ELL2: variants seen among roughly 807,000 people sequenced by gnomAD.
ELL2 encodes elongation factor for RNA polymerase II 2, also known as RNA polymerase II elongation factor ELL2.
ELL2 carries 21 observed loss-of-function variants against 72.8 expected under a neutral mutation model. The observed-to-expected ratio is 0.29, with a 90% confidence interval of 0.20 to 0.42. The LOEUF (loss-of-function observed/expected upper bound fraction) is 0.42, where lower values mean the gene tolerates loss of function less well. Ranked by LOEUF, ELL2 falls within the 10% of genes least tolerant of loss-of-function variation. The pLI, the probability that ELL2 is intolerant of heterozygous loss-of-function variation, is 1.00. For synonymous variants in ELL2, 266 were observed against 283.2 expected (o/e 0.94, Z 0.61); for missense variants, 568 against 772.8 (o/e 0.73, Z 3.14).
chr5:95,930,975 CTT>C (rs879633924), intron 2 of ELL2, among the ~76,000 whole-genome samples: 3 of 152,128 alleles, frequency 2.0e-5, no homozygotes, highest in Non-Finnish European at 4.4e-5. Context: ...TGGTGTCCTG[CTT>C]TCTTGTTCTT....
At chr5:95,943,687 G>A (rs17085317) in intron 1 of ELL2, among the ~76,000 whole-genome samples, 2,877 of 152,252 alleles carry the variant, frequency 0.019, 86 homozygotes, top group African/African-American at 0.065. Flanking sequence ...TTTTATCAGA[G>A]ATTTGTTTTT....
intron 2 of ELL2, among the ~76,000 whole-genome samples, chr5:95,927,513 GTA>G (rs1161286941): frequency 3.4e-5 from 1 of 29,466 alleles, no homozygotes; most frequent in Non-Finnish European, 5.5e-5. Flanking sequence ...ACACACGTGT[GTA>G]TATAGACATA....
intron 1 of ELL2, 94 bp from the exon 2 acceptor site, chr5:95,943,143 A>T: frequency 9.7e-7 from 1 of 1,031,500 alleles, no homozygotes. Flanking sequence ...TATTTGGGCC[A>T]GGCACAGTGA....
chr5:95,949,423 T>C (rs1751291638), intron 1 of ELL2, among the ~76,000 whole-genome samples: 2 of 152,106 alleles, frequency 1.3e-5, no homozygotes, highest in South Asian at 2.1e-4. Flanking sequence ...AAGCAAGAAA[T>C]AGCATTCTGG....
At chr5:95,941,523 C>A (rs1219076244) in intron 2 of ELL2, among the ~76,000 whole-genome samples, 2 of 152,144 alleles carry the variant, frequency 1.3e-5, no homozygotes, top group Admixed American at 1.3e-4. Context: ...GAAGCCTGCA[C>A]ATATTGGTGC....
chr5:95,953,947 GC>G (rs1223571814), intron 1 of ELL2, among the ~76,000 whole-genome samples: 1 of 152,016 alleles, frequency 6.6e-6, no homozygotes, highest in Non-Finnish European at 1.5e-5. Flanking sequence ...CTTTATGATG[GC>G]CTTAAGTACA....
chr5:95,916,769 CAG>C (rs1473974891), intron 3 of ELL2, among the ~76,000 whole-genome samples: 3 of 148,516 alleles, frequency 2.0e-5, no homozygotes, highest in Non-Finnish European at 1.5e-5. Context: ...AACCCACTGA[CAG>C]AGGAATGCTG....
intron 2 of ELL2, among the ~76,000 whole-genome samples, chr5:95,930,622 T>A (rs533238238): frequency 6.6e-6 from 1 of 152,290 alleles, no homozygotes; most frequent in South Asian, 2.1e-4. Flanking sequence ...ACCGAATGCT[T>A]TTTTCAAAGT....
intron 2 of ELL2, among the ~76,000 whole-genome samples, chr5:95,941,925 A>T (rs1239304175): frequency 1.3e-5 from 2 of 152,280 alleles, no homozygotes; most frequent in East Asian, 3.8e-4. Context: ...TACTTATTCC[A>T]GTTAGGATCC....
chr5:95,898,215 T>A, intron 8 of ELL2, 25 bp downstream of exon 8: 2 of 1,555,216 alleles, frequency 1.3e-6, no homozygotes, highest in Non-Finnish European at 1.7e-6. Context: ...AGCATGCACT[T>A]CTGGTTCATC....
intron 2 of ELL2, among the ~76,000 whole-genome samples, chr5:95,922,219 C>T (rs925987395): frequency 2.6e-5 from 4 of 152,170 alleles, no homozygotes; most frequent in African/African-American, 9.7e-5. Context: ...CCCGCCACCA[C>T]GCCCGGCTAA....
At chr5:95,919,290 GATAA>G in intron 3 of ELL2, 130 bp downstream of exon 3, 4 of 1,117,562 alleles carry the variant, frequency 3.6e-6, no homozygotes, top group South Asian at 3.7e-5. Flanking sequence ...ATATTTTTCA[GATAA>G]ATAAATGAGC....
At chr5:95,935,216 A>G (rs1750730126) in intron 2 of ELL2, among the ~76,000 whole-genome samples, 1 of 152,180 alleles carries the variant, frequency 6.6e-6, no homozygotes, top group South Asian at 2.1e-4. Context: ...TAAACTTTAT[A>G]AAAACGGCAT....
intron 2 of ELL2, among the ~76,000 whole-genome samples, chr5:95,935,823 C>T (rs1015267155): frequency 6.6e-6 from 1 of 152,222 alleles, no homozygotes; most frequent in Non-Finnish European, 1.5e-5. Context: ...CTTATCTCTT[C>T]TTCTTCTTCT....
chr5:95,952,461 G>C (rs57243277), intron 1 of ELL2, among the ~76,000 whole-genome samples: 1 of 151,440 alleles, frequency 6.6e-6, no homozygotes, highest in South Asian at 2.1e-4. Flanking sequence ...TAAAATAAAA[G>C]TTAAAAAAAA....
In ELL2 at chr5:95,919,500, A is replaced by T. The variant is rs757156435; in HGVS notation, c.241T>A (p.Phe81Ile). Reference sequence around the variant, plus strand: ...CCCACATTTGACAAATAAAAGTTAAAGTTATGAACTTCATTGAGGGGATCA... The same window carrying T: ...CCCACATTTGACAAATAAAAGTTAATGTTATGAACTTCATTGAGGGGATCA... ...KNDPLNEVHN[F>I]NFYLSNVGKD... The change falls in exon 3 of 12, where the codon TTT (phenylalanine) becomes ATT (isoleucine). Residue 81 changes from phenylalanine (F) to isoleucine (I), a missense_variant. By Grantham distance (21) the Phe-to-Ile change is conservative. Around this residue, in one of 2 missense-constraint regions of ELL2, gnomAD observed 511 missense variants for 728.4 expected, o/e 0.70. Coordinates refer to ENST00000237853, the MANE Select transcript of ELL2 (RefSeq NM_012081.6). 1 of 1,585,010 alleles carries T rather than the reference A, an allele frequency of 6.3e-7. No homozygotes were observed. Among genetic ancestry groups the T allele is most frequent in the African/African-American group, 1.4e-5 (1 of 72,702 alleles).
chr5:95,895,285 C>CA (rs1283230919), intron 9 of ELL2, among the ~76,000 whole-genome samples: 3 of 152,344 alleles, frequency 2.0e-5, no homozygotes, highest in East Asian at 3.9e-4. Flanking sequence ...TTGGGGGACC[C>CA]AAGTGAATGA....
chr5:95,907,296 A>ATATATATTTTTTTT, intron 4 of ELL2, among the ~76,000 whole-genome samples: 1 of 116,522 alleles, frequency 8.6e-6, no homozygotes, highest in African/African-American at 4.1e-5. Flanking sequence ...ATATATATAT[A>ATATATATTTTTTTT]TTTTTTTTTT....
At chr5:95,956,104 C>T (rs1419238429) in intron 1 of ELL2, among the ~76,000 whole-genome samples, 1 of 152,126 alleles carries the variant, frequency 6.6e-6, no homozygotes, top group East Asian at 1.9e-4. Context: ...GTAAGTCATT[C>T]CAAGAATTCT....
Sources: gnomAD v4.1 joint callset for allele counts (sites outside exome capture counted in the v4.1 genomes callset) on GRCh38, gnomAD v4.1.1 for gene constraint, gnomAD v4.1.1 regional missense constraint, MANE v1.5 for transcripts, NCBI Gene and HGNC (gene_info 2026-07-23, HGNC 2026-07-21) for gene names.